KLHL1: variants seen among roughly 807,000 people sequenced by gnomAD.
KLHL1 encodes the protein kelch like family member 1.
A neutral mutation model predicts 77.7 loss-of-function variants in KLHL1; 47 were observed. That is an observed-to-expected ratio of 0.60 (90% CI 0.48 to 0.77). The LOEUF is 0.77. Ranked by LOEUF, KLHL1 falls within the 30% of genes least tolerant of loss-of-function variation. The pLI, the probability that KLHL1 is intolerant of heterozygous loss-of-function variation, is 0.00. For synonymous variants in KLHL1, 360 were observed against 325.2 expected (o/e 1.11, Z -1.15); for missense variants, 925 against 910.8 (o/e 1.02, Z -0.20).
intron 1 of KLHL1, among the ~76,000 whole-genome samples, chr13:70,000,468 G>A (rs940141887): frequency 2.0e-5 from 3 of 151,956 alleles, no homozygotes; most frequent in East Asian, 1.9e-4. Flanking sequence ...ATATAATACC[G>A]TTAGTAAGCC....
Position 69,701,558 on chromosome 13 carries a change from C to CTTTCAAACAGTAGG in KLHL1, c.*143_*144insCCTACTGTTTGAAA, listed in dbSNP as rs1427225255. On this transcript the variant is annotated 3_prime_UTR_variant, in exon 11 of 11. Transcript: ENST00000377844. The stretch of plus-strand genomic sequence containing the variant: ...GTTTCCTACTATTCTGTTTGATCTA[C>CTTTCAAACAGTAGG]TAACTCTTTCAACATCAGTAGGTAA... The CTTTCAAACAGTAGG allele has an allele frequency of 3.2e-6, 2 of 627,958 alleles. No individual in the cohort carries two copies. Among genetic ancestry groups the CTTTCAAACAGTAGG allele is most frequent in the Admixed American group, 3.2e-5 (1 of 30,896 alleles). 38.9% of individuals were successfully genotyped at this position (627,958 alleles called of 1,614,324 possible). A position where few individuals can be genotyped will look rare whatever the true frequency, so the allele number is the denominator to read the frequency against.
At chr13:70,068,256 G>A (rs1420945830) in intron 1 of KLHL1, among the ~76,000 whole-genome samples, 1 of 151,980 alleles carries the variant, frequency 6.6e-6, no homozygotes, top group Non-Finnish European at 1.5e-5. Flanking sequence ...CAGGAGAATG[G>A]CGTGAACCCG....
chr13:69,767,169 C>T (rs1357351051), intron 7 of KLHL1, among the ~76,000 whole-genome samples: 1 of 152,010 alleles, frequency 6.6e-6, no homozygotes, highest in Non-Finnish European at 1.5e-5. Flanking sequence ...AAATAAAAGA[C>T]AGATATATTA....
chr13:70,100,618 G>A (rs750099816), intron 1 of KLHL1, among the ~76,000 whole-genome samples: 23 of 152,116 alleles, frequency 1.5e-4, no homozygotes, highest in Non-Finnish European at 3.1e-4. Context: ...CAGGCATCAA[G>A]CCTTTTTAGT....
At chr13:69,726,777 C>T (rs1438956792) in intron 8 of KLHL1, among the ~76,000 whole-genome samples, 4 of 152,164 alleles carry the variant, frequency 2.6e-5, no homozygotes, top group East Asian at 3.8e-4. Flanking sequence ...TCTGCTCCAA[C>T]TCTACGCGTT....
chr13:70,025,455 T>A (rs1056031147), intron 1 of KLHL1, among the ~76,000 whole-genome samples: 1 of 152,056 alleles, frequency 6.6e-6, no homozygotes, highest in Non-Finnish European at 1.5e-5. Flanking sequence ...TTGTTTTTTA[T>A]GCACTTTTCC....
intron 5 of KLHL1, among the ~76,000 whole-genome samples, chr13:69,870,151 C>CTTTA (rs1453179652): frequency 6.6e-6 from 1 of 152,138 alleles, no homozygotes; most frequent in African/African-American, 2.4e-5. Context: ...ATTCTGCACA[C>CTTTA]TTTACAAGAG....
At chr13:69,931,666 C>T (rs867008636) in intron 4 of KLHL1, among the ~76,000 whole-genome samples, 2 of 151,710 alleles carry the variant, frequency 1.3e-5, no homozygotes, top group South Asian at 2.1e-4. Flanking sequence ...ATTTGTTCCT[C>T]AATAGTATGG....
At position 69,855,339 on chromosome 13, in the gene KLHL1, GATAGATAGACAGAC is replaced by G. The variant is rs1879855194; in HGVS notation, c.1228-16191_1228-16178del. Among the ~76,000 whole-genome samples, 9 of 78,324 alleles carry G rather than the reference GATAGATAGACAGAC, an allele frequency of 1.1e-4. No homozygotes were observed. In the South Asian group the frequency reaches 1.4e-3, roughly 12 times the overall value. The allele number at this position is 78,324 out of a possible 152,430, so 51.4% of individuals were successfully genotyped here. On this transcript the variant is annotated intron_variant, in intron 5 of 10. Coordinates refer to ENST00000377844, the MANE Select transcript of KLHL1 (RefSeq NM_020866.3). Reference sequence around the variant, plus strand: ...AGATAGATAGATAGATAGATAGATAGATAGATAGACAGACAGATAGATACATAGAGAGATAGATC... The same window carrying G: ...AGATAGATAGATAGATAGATAGATAGAGATAGATACATAGAGAGATAGATC...
At chr13:69,998,280 T>C (rs983700524) in intron 1 of KLHL1, among the ~76,000 whole-genome samples, 3 of 152,040 alleles carry the variant, frequency 2.0e-5, no homozygotes, top group African/African-American at 7.2e-5. Context: ...AGTAGAAATA[T>C]TAATGACTGA....
At chr13:70,013,053 T>A (rs1469968360) in intron 1 of KLHL1, among the ~76,000 whole-genome samples, 1 of 152,102 alleles carries the variant, frequency 6.6e-6, no homozygotes, top group African/African-American at 2.4e-5. Context: ...TTATCTTCCA[T>A]GAAGAATTCT....
rs555587230 is a variant in KLHL1 at position 69,953,104 on chromosome 13, G to C, written c.817+8204C>G. ...AAAGTTCTTGAAAATGTTAATAATT[G>C]AATGTTGTAATATTTTTATGATTCT... On this transcript the variant is annotated intron_variant, in intron 3 of 10. Transcript: ENST00000377844. Among the ~76,000 whole-genome samples the C allele has an allele frequency of 2.0e-5, 3 of 151,282 alleles. No individual in the cohort carries two copies. The East Asian group carries it at 5.8e-4, about 29-fold the overall frequency.
chr13:69,762,423 G>A (rs1303769138), intron 7 of KLHL1, among the ~76,000 whole-genome samples: 2 of 151,972 alleles, frequency 1.3e-5, no homozygotes, highest in African/African-American at 2.4e-5. Flanking sequence ...ATGCCAAAGT[G>A]TATTTTCACT....
At chr13:70,071,912 A>G (rs1453704652) in intron 1 of KLHL1, among the ~76,000 whole-genome samples, 1 of 152,098 alleles carries the variant, frequency 6.6e-6, no homozygotes, top group Non-Finnish European at 1.5e-5. Flanking sequence ...CTGGAAACAG[A>G]AGAGAAAATT....
At chr13:69,879,633 C>A (rs1170193093) in intron 5 of KLHL1, among the ~76,000 whole-genome samples, 4 of 152,164 alleles carry the variant, frequency 2.6e-5, no homozygotes, top group Non-Finnish European at 1.5e-5. Flanking sequence ...AGGTGTTTAG[C>A]AGCTTTGAAA....
intron 7 of KLHL1, among the ~76,000 whole-genome samples, chr13:69,793,810 G>A (rs1046302131): frequency 3.3e-5 from 5 of 152,064 alleles, no homozygotes; most frequent in African/African-American, 1.2e-4. Flanking sequence ...ATATATTTGA[G>A]AGCCTGACAT....
intron 4 of KLHL1, among the ~76,000 whole-genome samples, chr13:69,891,493 A>C (rs1881424170): frequency 6.6e-6 from 1 of 152,040 alleles, no homozygotes; most frequent in South Asian, 2.1e-4. Flanking sequence ...AATGCTGTTG[A>C]ATAGATAAGA....
At chr13:70,048,093 C>T (rs539876504) in intron 1 of KLHL1, among the ~76,000 whole-genome samples, 1 of 152,312 alleles carries the variant, frequency 6.6e-6, no homozygotes, top group African/African-American at 2.4e-5. Flanking sequence ...CAAAATTTGA[C>T]ATGCTGTCTG....
At chr13:69,851,608 A>G in intron 5 of KLHL1, among the ~76,000 whole-genome samples, 1 of 151,966 alleles carries the variant, frequency 6.6e-6, no homozygotes, top group East Asian at 1.9e-4. Context: ...AATACAATTA[A>G]TCTTAGAATA....
Sources: gnomAD v4.1 joint callset for allele counts (sites outside exome capture counted in the v4.1 genomes callset) on GRCh38, gnomAD v4.1.1 for gene constraint, MANE v1.5 for transcripts, NCBI Gene and HGNC (gene_info 2026-07-23, HGNC 2026-07-21) for gene names.